The following ANXA13 variants were observed in gnomAD, a reference collection of about 807,000 sequenced individuals.
The protein encoded by ANXA13 is annexin XIII.
In ANXA13, 36 loss-of-function variants were observed where a neutral mutation model predicts 46.6. The ratio of observed to expected loss-of-function variants is 0.77; its 90% CI spans 0.59 to 1.02. The LOEUF (loss-of-function observed/expected upper bound fraction) is 1.02, where lower values mean the gene tolerates loss of function less well. ANXA13 is among the 50% of genes least tolerant of loss of function. The pLI, the probability that ANXA13 is intolerant of heterozygous loss-of-function variation, is 0.00. For synonymous variants in ANXA13, 163 were observed against 152.9 expected (o/e 1.07, Z -0.49); for missense variants, 417 against 396.5 (o/e 1.05, Z -0.44).
intron 1 of ANXA13, among the ~76,000 whole-genome samples, chr8:123,730,843 G>A (rs1814103464): frequency 6.6e-6 from 1 of 152,222 alleles, no homozygotes; most frequent in South Asian, 2.1e-4. Flanking sequence ...GCAGCAGGGA[G>A]AGAGGGAACC....
chr8:123,681,352 A>G lies in ANXA13; in HGVS notation c.839T>C (p.Leu280Pro). The change falls in exon 11 of 11, where the codon CTT becomes CCT. Residue 280 changes from leucine (L) to proline (P), a missense_variant. Coordinates refer to ENST00000419625, the MANE Select transcript of ANXA13 (RefSeq NM_004306.4). ...TTGGAACTTTGCTTTGATCCCCTGA[A>G]GGTCCACCTGTAGAAAAAATAACAG... ...RIVVTRAEVD[L>P]QGIKAKFQEK... The G allele has an allele frequency of 1.2e-6, 2 of 1,613,188 alleles. No individual in the cohort carries two copies. The highest frequency in any genetic ancestry group is 1.7e-6 in the Non-Finnish European group (2 of 1,179,650).
chr8:123,696,306 C>T (rs1454174876), intron 4 of ANXA13, among the ~76,000 whole-genome samples: 1 of 152,186 alleles, frequency 6.6e-6, no homozygotes, highest in Non-Finnish European at 1.5e-5. Flanking sequence ...TTCCATACTA[C>T]AATAAGCTAC....
At chr8:123,720,476 T>G (rs956565788) in intron 1 of ANXA13, among the ~76,000 whole-genome samples, 1 of 152,108 alleles carries the variant, frequency 6.6e-6, no homozygotes, top group Non-Finnish European at 1.5e-5. Flanking sequence ...CTTGTATAGT[T>G]TTTTTTTCAA....
chr8:123,716,603 C>T (rs942795629), intron 1 of ANXA13, among the ~76,000 whole-genome samples: 1 of 152,092 alleles, frequency 6.6e-6, no homozygotes, highest in African/African-American at 2.4e-5. Flanking sequence ...GAAAAACAGT[C>T]GGTTTGGCGT....
At chr8:123,736,789 T>C (rs1814276022) in intron 1 of ANXA13, among the ~76,000 whole-genome samples, 1 of 152,032 alleles carries the variant, frequency 6.6e-6, no homozygotes, top group Non-Finnish European at 1.5e-5. Flanking sequence ...CATACTTCTT[T>C]CTCTTTAGCC....
chr8:123,722,342 A>AAAAG (rs148382346), intron 1 of ANXA13, among the ~76,000 whole-genome samples: 20,338 of 136,494 alleles, frequency 0.15, 1,614 homozygotes, highest in East Asian at 0.23. Flanking sequence ...GAAAGAAAAG[A>AAAAG]AAAGAAAGAA....
At chr8:123,696,700 A>C (rs1011272991) in intron 4 of ANXA13, among the ~76,000 whole-genome samples, 2 of 152,126 alleles carry the variant, frequency 1.3e-5, no homozygotes, top group Non-Finnish European at 2.9e-5. Flanking sequence ...GAGGCTGATC[A>C]CTTGTGTTTG....
intron 1 of ANXA13, among the ~76,000 whole-genome samples, chr8:123,717,490 A>G (rs1278368395): frequency 1.3e-5 from 2 of 152,252 alleles, no homozygotes; most frequent in African/African-American, 4.8e-5. Context: ...ATGTAGATAT[A>G]TAGGTTTCTA....
At chr8:123,697,856 T>C (rs556169571) in intron 4 of ANXA13, among the ~76,000 whole-genome samples, 1 of 152,158 alleles carries the variant, frequency 6.6e-6, no homozygotes, top group Admixed American at 6.5e-5. Context: ...CCTGCAAAGG[T>C]GGCATGTGCC....
rs746186736 is a variant in ANXA13, at chr8:123,698,512, C to T, written c.234G>A (p.Lys78=). 3.7e-6 allele frequency: 6 copies of T among 1,614,236 alleles called. No homozygotes were observed. The highest frequency in any genetic ancestry group is 5.1e-6 in the Non-Finnish European group (6 of 1,180,038). The change falls in exon 4 of 11, where the codon AAG becomes AAA. Residue 78 remains lysine, a synonymous_variant. Coordinates refer to ENST00000419625, the MANE Select transcript of ANXA13 (RefSeq NM_004306.4). ...LKSELSGNFE[K]TALALLDRPS... is the part of the protein sequence containing the mutation. Reference sequence around the variant, plus strand: ...GACGGTCCAGAAGGGCCAACGCTGTCTTCTCGAAGTTTCCACTCAGCTCAC... The same window carrying T: ...GACGGTCCAGAAGGGCCAACGCTGTTTTCTCGAAGTTTCCACTCAGCTCAC...
chr8:123,719,899 T>C lies in ANXA13; in HGVS notation c.16-7146A>G, dbSNP rs868739802. The stretch of plus-strand genomic sequence containing the variant: ...TTTAAAGTGGAGATGCACCTGTGCA[T>C]GGGGTGGTGTGCGGTGTAGATGCAT... On this transcript the variant is annotated intron_variant, in intron 1 of 10. Transcript: ENST00000419625. Among the ~76,000 whole-genome samples, 19 of 152,248 alleles carry C rather than the reference T, an allele frequency of 1.2e-4. No homozygotes were observed. The Middle Eastern group carries it at 0.014, about 109-fold the overall frequency.
At chr8:123,707,547 G>T (rs1813561280) in intron 2 of ANXA13, among the ~76,000 whole-genome samples, 1 of 152,152 alleles carries the variant, frequency 6.6e-6, no homozygotes. Context: ...CCTTTGCAGG[G>T]ACATGGATGA....
chr8:123,698,337 A>T, intron 4 of ANXA13, 52 bp downstream of exon 4: 1 of 1,588,396 alleles, frequency 6.3e-7, no homozygotes, highest in Non-Finnish European at 8.6e-7. Flanking sequence ...GGGGGCTGCA[A>T]CCATCTCTAT....
intron 1 of ANXA13, among the ~76,000 whole-genome samples, chr8:123,721,563 T>C (rs1417737375): frequency 6.6e-6 from 1 of 152,202 alleles, no homozygotes; most frequent in East Asian, 1.9e-4. Context: ...GAGTGTTGAG[T>C]GAGCCCTTTG....
chr8:123,691,232 T>G lies in ANXA13; in HGVS notation c.642+1965A>C, dbSNP rs969621849. On this transcript the variant is annotated intron_variant, in intron 8 of 10. Coordinates refer to ENST00000419625, the MANE Select transcript of ANXA13 (RefSeq NM_004306.4). Reference sequence around the variant, plus strand: ...ATAAGAAACTCCAGTGATCTCAGACTAGCATCTCTGTGCTTTTGGTCAGAA... The same window carrying G: ...ATAAGAAACTCCAGTGATCTCAGACGAGCATCTCTGTGCTTTTGGTCAGAA... 9.8e-5 allele frequency among the ~76,000 whole-genome samples: 15 copies of G among 152,296 alleles called. No individual in the cohort carries two copies. In the South Asian group the frequency reaches 3.1e-3, roughly 32 times the overall value.
intron 9 of ANXA13, among the ~76,000 whole-genome samples, chr8:123,687,008 C>G (rs1295355935): frequency 1.3e-5 from 2 of 152,116 alleles, no homozygotes; most frequent in African/African-American, 4.8e-5. Context: ...GTCATCTGTA[C>G]CATCTTTGCT....
intron 2 of ANXA13, among the ~76,000 whole-genome samples, chr8:123,709,752 A>G (rs1294260803): frequency 6.6e-6 from 1 of 152,184 alleles, no homozygotes; most frequent in Non-Finnish European, 1.5e-5. Flanking sequence ...GATAAGTTTC[A>G]TATATGTATG....
intron 1 of ANXA13, among the ~76,000 whole-genome samples, chr8:123,725,861 G>T (rs1053299052): frequency 6.6e-6 from 1 of 152,152 alleles, no homozygotes; most frequent in African/African-American, 2.4e-5. Flanking sequence ...AATCTGCGGG[G>T]GTTGATCAGA....
chr8:123,715,983 T>C (rs971140450), intron 1 of ANXA13, among the ~76,000 whole-genome samples: 10 of 152,206 alleles, frequency 6.6e-5, no homozygotes, highest in Admixed American at 3.3e-4. Flanking sequence ...TAAGTGTCAT[T>C]TGATCCCAAG....
Sources: gnomAD v4.1 joint callset for allele counts (sites outside exome capture counted in the v4.1 genomes callset) on GRCh38, gnomAD v4.1.1 for gene constraint, MANE v1.5 for transcripts, NCBI Gene and HGNC (gene_info 2026-07-23, HGNC 2026-07-21) for gene names.